Variants in RRM2 observed in about 807,000 individuals in gnomAD.
The protein encoded by RRM2 is ribonucleotide reductase regulatory subunit M2.
In RRM2, 6 loss-of-function variants were observed where a neutral mutation model predicts 45.9. The observed-to-expected ratio is 0.13, with a 90% CI of 0.07 to 0.26. The LOEUF (loss-of-function observed/expected upper bound fraction) is 0.26. Among genes scored for constraint, RRM2 ranks in the 10% least tolerant of loss-of-function variants. The probability of loss-of-function intolerance (pLI) is 1.00; values close to 1 mark genes in which losing one functional copy is unlikely to be tolerated. For synonymous variants in RRM2, 177 were observed against 173.0 expected (o/e 1.02, Z -0.18); for missense variants, 343 against 489.5 (o/e 0.70, Z 2.82).
intron 3 of RRM2, among the ~76,000 whole-genome samples, chr2:10,180,410 A>G (rs372485496): frequency 7.7e-4 from 117 of 152,350 alleles, no homozygotes; most frequent in African/African-American, 2.5e-3. Flanking sequence ...AAATGGTTAA[A>G]AAAAATTCCA....
At position 10,129,651 on chromosome 2, in the gene RRM2, T is replaced by C; in HGVS notation, c.*265T>C. 2.2e-6 allele frequency: 1 copy of C among 459,900 alleles called. No homozygotes were observed. Among genetic ancestry groups the C allele is most frequent in the Non-Finnish European group, 3.9e-6 (1 of 258,714 alleles). 28.5% of individuals were successfully genotyped at this position (459,900 alleles called of 1,614,324 possible). On this transcript the variant is annotated 3_prime_UTR_variant, in exon 10 of 10. Transcript: ENST00000304567. The surrounding 1 kb of genome is among the most constrained non-coding windows in gnomAD (Gnocchi z 4.8). ...GGCTTTAAAGTGAGGGGTGACCCTT[T>C]AGTGAGCTTAGCACAGCGGGATTAA...
Position 10,185,278 on chromosome 2 carries a change from TGA to T in RRM2, n.483-25017_483-25016del, listed in dbSNP as rs61555678. Reference sequence around the variant, plus strand: ...GTGAAAGCGAGACAGAGCGTGAGAGTGAGAGAGAGAGAGAGAGGCAGGAGAGG... The same window carrying T: ...GTGAAAGCGAGACAGAGCGTGAGAGTGAGAGAGAGAGAGAGGCAGGAGAGG... On this transcript the variant is annotated intron_variant and non_coding_transcript_variant, in intron 3 of 3. Coordinates refer to the RRM2 transcript ENST00000381786. This position sits in a 1 kb window ranked among gnomAD's most constrained non-coding sequence, Gnocchi z 4.3. Among the ~76,000 whole-genome samples the T allele has an allele frequency of 0.27, 40,108 of 148,290 alleles. 6,147 individuals are homozygous for T. The highest frequency in any genetic ancestry group is 0.36 in the Non-Finnish European group (24,082 of 67,002).
exon 2 of RRM2, chr2:10,141,855 T>G (rs1341801185): frequency 3.2e-6 from 5 of 1,557,094 alleles, no homozygotes; most frequent in Non-Finnish European, 4.3e-6. Flanking sequence ...CTGCTGCAGG[T>G]GCTGGGAGAC....
rs569833830 is a variant in RRM2, at chr2:10,124,840, C to T, written c.559C>T (p.Pro187Ser). Reference protein sequence around the residue: ...SLLIDTYIKDPKEREFLFNAI... With the variant: ...SLLIDTYIKDSKEREFLFNAI... ...TCTTATTGACACTTACATAAAAGAT[C>T]CCAAAGAAAGGTGAGTATTCAAGTG... is the stretch of plus-strand genomic sequence containing the variant. Residue 187 changes from proline to serine, a missense_variant, in exon 5 of 10, where the codon CCC becomes TCC. By Grantham distance (74) the Pro-to-Ser change is moderately conservative. Coordinates refer to ENST00000304567, the MANE Select transcript of RRM2 (RefSeq NM_001034.4). 6.3e-7 allele frequency: 1 copy of T among 1,597,550 alleles called. No individual in the cohort carries two copies. The highest frequency in any genetic ancestry group is 1.1e-5 in the South Asian group (1 of 89,932).
chr2:10,122,965 A>G lies in RRM2; in HGVS notation c.100-18A>G, dbSNP rs1662694665. ...GGGAAAGCGAAGCCGCTCCTCACTC[A>G]CACGCGTCTCCCCGCAGCCGCCGGC... On this transcript the variant is annotated intron_variant, in intron 1 of 9. Transcript: ENST00000304567. 1 of 1,547,850 alleles carries G rather than the reference A, an allele frequency of 6.5e-7. No homozygotes were observed.
At chr2:10,183,436 G>C (rs1664101585) in intron 3 of RRM2, among the ~76,000 whole-genome samples, 1 of 152,240 alleles carries the variant, frequency 6.6e-6, no homozygotes, top group African/African-American at 2.4e-5. Flanking sequence ...ACAGTGGCAA[G>C]AGCCCTTTGG....
chr2:10,139,899 G>A (rs577365271), upstream of RRM2, among the ~76,000 whole-genome samples: 1 of 152,340 alleles, frequency 6.6e-6, no homozygotes, highest in South Asian at 2.1e-4. Context: ...CCCGTGGGTG[G>A]GATCTGGTTC....
At chr2:10,163,491 G>A (rs1331256799) in intron 3 of RRM2, among the ~76,000 whole-genome samples, 9 of 152,200 alleles carry the variant, frequency 5.9e-5, no homozygotes, top group African/African-American at 2.2e-4. Flanking sequence ...TCCAGTGAGG[G>A]TTGGTTGTGT....
At chr2:10,150,771 GTTTTTTTTT>G in intron 3 of RRM2, among the ~76,000 whole-genome samples, 1 of 92,860 alleles carries the variant, frequency 1.1e-5, no homozygotes, top group South Asian at 3.9e-4. Context: ...AGTGTGTTGT[GTTTTTTTTT>G]TTTTTTTTTT....
intron 3 of RRM2, among the ~76,000 whole-genome samples, chr2:10,165,343 G>A (rs769036046): frequency 6.6e-6 from 1 of 152,182 alleles, no homozygotes; most frequent in Non-Finnish European, 1.5e-5. Flanking sequence ...AATCCTCTGG[G>A]ATGAAATTTC....
intron 3 of RRM2, among the ~76,000 whole-genome samples, chr2:10,143,616 A>G (rs534515836): frequency 6.6e-5 from 10 of 152,092 alleles, no homozygotes; most frequent in Admixed American, 5.2e-4. Context: ...TGAGATCATG[A>G]CTGGAGTCCC....
At chr2:10,200,697 T>TGCGCGCACAAAATATGAGG (rs1558407027) in intron 3 of RRM2, among the ~76,000 whole-genome samples, 3 of 59,236 alleles carry the variant, frequency 5.1e-5, no homozygotes, top group Admixed American at 4.9e-4. Flanking sequence ...AAATTATGAG[T>TGCGCGCACAAAATATGAGG]CCCACGGGGA....
rs541792388 is a variant in RRM2 at position 10,174,902 on chromosome 2, A to G, written n.482+32527A>G. Among the ~76,000 whole-genome samples the G allele has an allele frequency of 5.9e-5, 9 of 151,862 alleles. No individual in the cohort carries two copies. The East Asian group carries it at 1.4e-3, about 23-fold the overall frequency. On this transcript the variant is annotated intron_variant and non_coding_transcript_variant, in intron 3 of 3. Coordinates refer to the RRM2 transcript ENST00000381786. ...AAAAAAAGAAAAAATGTTGATAGCT[A>G]CTATAAAGTTTCTCTTATGCAGTAC...
At position 10,127,246 on chromosome 2, in the gene RRM2, GACCTAAACCCCAA is replaced by G. The variant is rs1348769174; in HGVS notation, c.798+29_798+41del. 1 of 1,604,462 alleles carries G rather than the reference GACCTAAACCCCAA, an allele frequency of 6.2e-7. No homozygotes were observed. Among genetic ancestry groups the G allele is most frequent in the East Asian group, 2.2e-5 (1 of 44,734 alleles). On this transcript the variant is annotated intron_variant, in intron 7 of 9. Transcript: ENST00000304567. The surrounding 1 kb of genome is among the most constrained non-coding windows in gnomAD (Gnocchi z 4.1). ...GTGAGTCTAAGTCAAATAATAGGGT[GACCTAAACCCCAA>G]ACACAACTCGGGCATGCTCTTGTGT...
upstream of RRM2, among the ~76,000 whole-genome samples, chr2:10,137,838 G>A (rs1663017822): frequency 1.3e-5 from 2 of 152,184 alleles, no homozygotes; most frequent in Non-Finnish European, 2.9e-5. Context: ...AGGGGTGCCA[G>A]GACGAGATGG....
chr2:10,164,241 A>C (rs1026680935), intron 3 of RRM2, among the ~76,000 whole-genome samples: 1 of 152,220 alleles, frequency 6.6e-6, no homozygotes, highest in Non-Finnish European at 1.5e-5. Flanking sequence ...AGAACCAGCT[A>C]TGGAGCTGGC....
At chr2:10,156,144 G>A (rs1441195280) in intron 3 of RRM2, 2 of 152,256 alleles carry the variant, frequency 1.3e-5, no homozygotes, top group Non-Finnish European at 2.9e-5. Context: ...AGGCAGGGGT[G>A]TCCAATCTTT....
chr2:10,192,124 A>G (rs1558403471), intron 3 of RRM2, among the ~76,000 whole-genome samples: 1 of 151,546 alleles, frequency 6.6e-6, no homozygotes, highest in African/African-American at 2.4e-5. Context: ...GAGCTCCCGG[A>G]GCCGCAGCCA....
chr2:10,187,803 A>C (rs1004556992), intron 3 of RRM2, among the ~76,000 whole-genome samples: 9 of 152,180 alleles, frequency 5.9e-5, no homozygotes, highest in Non-Finnish European at 7.3e-5. Context: ...TCGGTTGGGA[A>C]CAGAGGAAGG....
Sources: gnomAD v4.1 joint callset for allele counts (sites outside exome capture counted in the v4.1 genomes callset) on GRCh38, gnomAD v4.1.1 for gene constraint, Gnocchi (gnomAD v3.1) non-coding constraint, MANE v1.5 for transcripts, NCBI Gene and HGNC (gene_info 2026-07-23, HGNC 2026-07-21) for gene names.